The following SNTB2 variants were observed in gnomAD, a reference collection of about 807,000 sequenced individuals.
The protein encoded by SNTB2 is beta-2-syntrophin.
A neutral mutation model predicts 46.2 loss-of-function variants in SNTB2; 34 were observed. The observed-to-expected ratio is 0.74, with a 90% confidence interval of 0.56 to 0.98. The LOEUF (loss-of-function observed/expected upper bound fraction) is 0.98, where lower values mean the gene tolerates loss of function less well. Among genes scored for constraint, SNTB2 ranks in the 50% least tolerant of loss-of-function variants. The pLI, the probability that SNTB2 is intolerant of heterozygous loss-of-function variation, is 0.00. For synonymous variants in SNTB2, 290 were observed against 312.6 expected (o/e 0.93, Z 0.76); for missense variants, 603 against 731.4 (o/e 0.82, Z 2.02).
Position 69,300,977 on chromosome 16 carries a change from C to CAA in SNTB2, c.*64_*65dup, listed in dbSNP as rs34703750. ...ACTGTCACAAGAAATATTTCCACCTCAAAAAAAAAAAAGCACAAAAAGAAA... is the reference window on the plus strand; with the variant it reads ...ACTGTCACAAGAAATATTTCCACCTCAAAAAAAAAAAAAAGCACAAAAAGAAA... On this transcript the variant is annotated 3_prime_UTR_variant, in exon 7 of 7. Transcript: ENST00000336278. 3,008 of 881,324 alleles carry CAA rather than the reference C, an allele frequency of 3.4e-3. No homozygotes were observed. Among genetic ancestry groups the CAA allele is most frequent in the Middle Eastern group, 4.7e-3 (19 of 4,058 alleles). 54.6% of individuals were successfully genotyped at this position (881,324 alleles called of 1,614,324 possible).
chr16:69,187,857 T>C (rs1009261400), intron 1 of SNTB2, 111 bp downstream of exon 1: 7 of 902,230 alleles, frequency 7.8e-6, no homozygotes, highest in African/African-American at 3.5e-5. Context: ...CCCGTCTCTC[T>C]CCAAACCCGG....
chr16:69,207,678 A>G (rs1964237739), intron 1 of SNTB2, among the ~76,000 whole-genome samples: 1 of 152,232 alleles, frequency 6.6e-6, no homozygotes, highest in Non-Finnish European at 1.5e-5. Flanking sequence ...TACTTTTGTT[A>G]GCAGTGCCCA....
intron 1 of SNTB2, among the ~76,000 whole-genome samples, chr16:69,228,705 C>G (rs1197114648): frequency 6.6e-6 from 1 of 152,050 alleles, no homozygotes. Flanking sequence ...TACATACACA[C>G]TAAGTATATG....
chr16:69,190,901 G>T (rs752277904), intron 1 of SNTB2, among the ~76,000 whole-genome samples: 1 of 152,074 alleles, frequency 6.6e-6, no homozygotes, highest in Non-Finnish European at 1.5e-5. Context: ...TGCAATTCAC[G>T]TGTTGAGTAC....
At chr16:69,254,094 C>G (rs1964750812) in intron 2 of SNTB2, among the ~76,000 whole-genome samples, 1 of 152,028 alleles carries the variant, frequency 6.6e-6, no homozygotes, top group Non-Finnish European at 1.5e-5. Flanking sequence ...AATAAATAGT[C>G]CCTCTAGAAA....
At chr16:69,191,734 G>A (rs1419615908) in intron 1 of SNTB2, among the ~76,000 whole-genome samples, 1 of 151,810 alleles carries the variant, frequency 6.6e-6, no homozygotes, top group Non-Finnish European at 1.5e-5. Flanking sequence ...TCCGCCTACC[G>A]GGTTCACGCC....
chr16:69,207,506 T>C (rs558217885), intron 1 of SNTB2, among the ~76,000 whole-genome samples: 66 of 152,332 alleles, frequency 4.3e-4, no homozygotes, highest in Admixed American at 1.3e-3. Context: ...TTACATTTTA[T>C]GTTGACCAAT....
intron 1 of SNTB2, among the ~76,000 whole-genome samples, chr16:69,213,194 CATTA>C (rs918712539): frequency 9.2e-5 from 14 of 152,166 alleles, no homozygotes; most frequent in African/African-American, 2.9e-4. Context: ...ATACACATTT[CATTA>C]ATTATACACA....
intron 2 of SNTB2, among the ~76,000 whole-genome samples, chr16:69,255,949 A>C (rs1258288923): frequency 1.3e-5 from 2 of 151,606 alleles, no homozygotes; most frequent in African/African-American, 4.9e-5. Flanking sequence ...GCACTTTGGG[A>C]AGCTGAGGCG....
At chr16:69,236,736 G>C (rs1430560925) in intron 1 of SNTB2, among the ~76,000 whole-genome samples, 2 of 151,612 alleles carry the variant, frequency 1.3e-5, no homozygotes, top group East Asian at 3.9e-4. Flanking sequence ...GTTAACCAAG[G>C]CATGTTGGCA....
In SNTB2 at chr16:69,187,165, G is replaced by T; in HGVS notation, c.-2G>T. 1.5e-6 allele frequency: 2 copies of T among 1,351,552 alleles called. No homozygotes were observed. The highest frequency in any genetic ancestry group is 5.9e-5 in the East Asian group (2 of 34,186). The allele number at this position is 1,351,552 out of a possible 1,614,324, so 83.7% of individuals were successfully genotyped here. A position where few individuals can be genotyped will look rare whatever the true frequency, so the allele number is the denominator to read the frequency against. ...GGGAAGCGCCGAGGCTGCCTGACTGGAATGAGGGTAGCTGCGGCGACTGCG... is the reference window on the plus strand; with the variant it reads ...GGGAAGCGCCGAGGCTGCCTGACTGTAATGAGGGTAGCTGCGGCGACTGCG... On this transcript the variant is annotated 5_prime_UTR_variant, in exon 1 of 7. Coordinates refer to ENST00000336278, the MANE Select transcript of SNTB2 (RefSeq NM_006750.4).
In SNTB2 at chr16:69,203,138, C is replaced by T. The variant is rs141912520; in HGVS notation, c.580+15392C>T. On this transcript the variant is annotated intron_variant, in intron 1 of 6. Coordinates refer to ENST00000336278, the MANE Select transcript of SNTB2 (RefSeq NM_006750.4). ...GATTCAAGCAATTCTCCTGCCTCAGCCTCCTAGTAGCTGGGATTACAGGCG... is the reference window on the plus strand; with the variant it reads ...GATTCAAGCAATTCTCCTGCCTCAGTCTCCTAGTAGCTGGGATTACAGGCG... Among the ~76,000 whole-genome samples the T allele has an allele frequency of 2.4e-3, 360 of 152,044 alleles. 17 individuals are homozygous for T. The East Asian group carries it at 0.058, about 25-fold the overall frequency.
At chr16:69,209,974 AT>A (rs1964262889) in intron 1 of SNTB2, among the ~76,000 whole-genome samples, 2 of 142,890 alleles carry the variant, frequency 1.4e-5, no homozygotes, top group South Asian at 4.6e-4. Context: ...TAATTTCTTC[AT>A]TTTGGTAAGT....
At chr16:69,218,289 A>G (rs139045799) in intron 1 of SNTB2, among the ~76,000 whole-genome samples, 2 of 152,330 alleles carry the variant, frequency 1.3e-5, no homozygotes, top group East Asian at 3.9e-4. Flanking sequence ...AAGCTGCTCT[A>G]TAGTATTAAC....
intron 1 of SNTB2, among the ~76,000 whole-genome samples, chr16:69,213,822 CTTTTTTTTTT>C (rs35759695): frequency 6.5e-5 from 6 of 91,636 alleles, no homozygotes; most frequent in African/African-American, 9.1e-5. Context: ...TTTTAGAGTT[CTTTTTTTTTT>C]TTTTTTTTTT....
chr16:69,295,855 A>C (rs1231031889), intron 5 of SNTB2, among the ~76,000 whole-genome samples: 1 of 152,218 alleles, frequency 6.6e-6, no homozygotes, highest in Non-Finnish European at 1.5e-5. Flanking sequence ...TCAGGCACTT[A>C]ATCATCATTG....
Position 69,306,679 on chromosome 16 carries a change from T to G in SNTB2, c.*5755T>G, listed in dbSNP as rs1161082168. 2 of 152,262 alleles carry G rather than the reference T, an allele frequency of 1.3e-5. No individual in the cohort carries two copies. The highest frequency in any genetic ancestry group is 6.5e-5 in the Admixed American group (1 of 15,290). The allele number at this position is 152,262 out of a possible 1,614,324, so 9.4% of individuals were successfully genotyped here. The stretch of plus-strand genomic sequence containing the variant: ...GGCCGGGTGCGGTGGCTCATGCCTG[T>G]ATTCCCAGTACTTTGGGAGCCCAAG... On this transcript the variant is annotated 3_prime_UTR_variant, in exon 7 of 7. Coordinates refer to ENST00000336278, the MANE Select transcript of SNTB2 (RefSeq NM_006750.4).
chr16:69,200,050 G>T (rs1428631762), intron 1 of SNTB2, among the ~76,000 whole-genome samples: 1 of 152,058 alleles, frequency 6.6e-6, no homozygotes, highest in African/African-American at 2.4e-5. Flanking sequence ...GAGTAGCTAG[G>T]ACTACAGATG....
intron 1 of SNTB2, among the ~76,000 whole-genome samples, chr16:69,200,573 A>T (rs114090222): frequency 6.6e-6 from 1 of 152,244 alleles, no homozygotes; most frequent in African/African-American, 2.4e-5. Context: ...GGAGAGGTTC[A>T]TGGGGGTTTT....
Sources: allele counts gnomAD v4.1 joint callset (sites outside exome capture counted in the v4.1 genomes callset), GRCh38; gene constraint gnomAD v4.1.1; transcripts MANE v1.5; gene names NCBI Gene and HGNC (gene_info 2026-07-23, HGNC 2026-07-21).